The following FGFR2 variants were observed in gnomAD, a reference collection of about 807,000 sequenced individuals.
FGFR2 encodes the protein BEK fibroblast growth factor receptor.
A neutral mutation model predicts 95.9 loss-of-function variants in FGFR2; 19 were observed. The ratio of observed to expected loss-of-function variants is 0.20; its 90% CI spans 0.14 to 0.29. The LOEUF is 0.29. Ranked by LOEUF, FGFR2 falls within the 10% of genes least tolerant of loss-of-function variation. The probability of loss-of-function intolerance (pLI) is 1.00; values close to 1 mark genes in which losing one functional copy is unlikely to be tolerated. For synonymous variants in FGFR2, 392 were observed against 393.3 expected (o/e 1.00, Z 0.04); for missense variants, 707 against 1,056.9 (o/e 0.67, Z 4.59).
chr10:121,573,383 T>C (rs531859553), intron 2 of FGFR2, among the ~76,000 whole-genome samples: 1 of 152,302 alleles, frequency 6.6e-6, no homozygotes, highest in Non-Finnish European at 1.5e-5. Flanking sequence ...TAGATCATCC[T>C]AGTTCCAAGG....
intron 5 of FGFR2, among the ~76,000 whole-genome samples, chr10:121,545,507 T>A (rs1212233323): frequency 6.6e-6 from 1 of 152,190 alleles, no homozygotes; most frequent in African/African-American, 2.4e-5. Context: ...AGGCACCTGG[T>A]AAGTCACGAC....
chr10:121,564,934 G>A (rs926780393), intron 3 of FGFR2, among the ~76,000 whole-genome samples: 1 of 152,178 alleles, frequency 6.6e-6, no homozygotes, highest in South Asian at 2.1e-4. Context: ...TTCAGTATGC[G>A]GGGTCTCCTT....
chr10:121,498,028 G>T (rs1333885239), intron 12 of FGFR2, among the ~76,000 whole-genome samples: 2 of 152,158 alleles, frequency 1.3e-5, no homozygotes, highest in African/African-American at 4.8e-5. Flanking sequence ...GGAAAATAAC[G>T]TATTCCTTCA....
intron 2 of FGFR2, among the ~76,000 whole-genome samples, chr10:121,590,961 A>G (rs2135454405): frequency 6.6e-6 from 1 of 152,312 alleles, no homozygotes; most frequent in Non-Finnish European, 1.5e-5. Flanking sequence ...ACAGGGGCAC[A>G]GGCACGCACG....
rs151007930 is a variant in FGFR2, at chr10:121,518,985, G to C, written c.939+994C>G. ...GATTTTAAAGAACAAAATCAGTCCA[G>C]TGGTGGACAACGGAAAGACCTGGTG... On this transcript the variant is annotated intron_variant, in intron 7 of 17. Coordinates refer to ENST00000358487, the MANE Select transcript of FGFR2 (RefSeq NM_000141.5). The surrounding 1 kb of genome is among the most constrained non-coding windows in gnomAD (Gnocchi z 4.0). Among the ~76,000 whole-genome samples the C allele has an allele frequency of 2.0e-5, 3 of 152,354 alleles. No homozygotes were observed. The highest frequency in any genetic ancestry group is 7.2e-5 in the African/African-American group (3 of 41,580).
At chr10:121,496,456 T>G (rs945659203) in intron 13 of FGFR2, 76 bp downstream of exon 13, 1 of 1,366,118 alleles carries the variant, frequency 7.3e-7, no homozygotes, top group Admixed American at 1.7e-5. Context: ...CAAATGAGCA[T>G]GTCCAAATTG....
Position 121,517,726 on chromosome 10 carries a change from G to T in FGFR2, c.940-263C>A, listed in dbSNP as rs1849883550. 6.6e-6 allele frequency among the ~76,000 whole-genome samples: 1 copy of T among 152,004 alleles called. No individual in the cohort carries two copies. The highest frequency in any genetic ancestry group is 2.4e-5 in the African/African-American group (1 of 41,366). ...CGCATGGAAAAAATCAACCCACAGAGGTCCGTTCTCTTGGCCTGTGCTTTG... is the reference window on the plus strand; with the variant it reads ...CGCATGGAAAAAATCAACCCACAGATGTCCGTTCTCTTGGCCTGTGCTTTG... On this transcript the variant is annotated intron_variant, in intron 7 of 17. Coordinates refer to ENST00000358487, the MANE Select transcript of FGFR2 (RefSeq NM_000141.5). This position sits in a 1 kb window ranked among gnomAD's most constrained non-coding sequence, Gnocchi z 4.7.
Position 121,479,195 on chromosome 10 carries a change from CA to C in FGFR2, c.*661del, listed in dbSNP as rs533680275. On this transcript the variant is annotated 3_prime_UTR_variant, in exon 18 of 18. Coordinates refer to ENST00000358487, the MANE Select transcript of FGFR2 (RefSeq NM_000141.5). Reference sequence around the variant, plus strand: ...CTGCATAGAAATGCCACTTAAATTACAAAAAAAACTATAAATGATTAATTGT... The same window carrying C: ...CTGCATAGAAATGCCACTTAAATTACAAAAAAACTATAAATGATTAATTGT... 11 of 232,032 alleles carry C rather than the reference CA, an allele frequency of 4.7e-5. No homozygotes were observed. Among genetic ancestry groups the C allele is most frequent in the South Asian group, 1.8e-4 (1 of 5,494 alleles). The allele number at this position is 232,032 out of a possible 1,614,324, so 14.4% of individuals were successfully genotyped here.
chr10:121,501,893 G>A (rs896864855), intron 10 of FGFR2, among the ~76,000 whole-genome samples: 3 of 152,124 alleles, frequency 2.0e-5, no homozygotes, highest in Non-Finnish European at 2.9e-5. Flanking sequence ...ATGTCCCACC[G>A]CCTTGCTACT....
At chr10:121,580,877 AGC>A (rs1401091480) in intron 2 of FGFR2, among the ~76,000 whole-genome samples, 1 of 152,038 alleles carries the variant, frequency 6.6e-6, no homozygotes, top group African/African-American at 2.4e-5. Context: ...CCTCCAAAGC[AGC>A]ATTCAGAGGG....
intron 9 of FGFR2, among the ~76,000 whole-genome samples, chr10:121,510,747 T>C (rs372750169): frequency 2.4e-4 from 36 of 151,448 alleles, no homozygotes; most frequent in East Asian, 1.5e-3. Context: ...CTCAAAAGTA[T>C]TGCTACAAAA....
At chr10:121,539,011 T>A (rs1053753494) in intron 5 of FGFR2, among the ~76,000 whole-genome samples, 5 of 152,354 alleles carry the variant, frequency 3.3e-5, no homozygotes, top group African/African-American at 1.2e-4. Context: ...AGAGGCCAAC[T>A]GGCCAGGGAG....
chr10:121,522,861 G>A (rs1482123754), intron 6 of FGFR2, among the ~76,000 whole-genome samples: 2 of 152,198 alleles, frequency 1.3e-5, no homozygotes, highest in East Asian at 3.9e-4. Flanking sequence ...AAACAACTGA[G>A]GGAAATGAGG....
Position 121,485,243 on chromosome 10 carries a change from C to T in FGFR2, c.2195+152G>A. 1.0e-6 allele frequency: 1 copy of T among 1,004,094 alleles called. No individual in the cohort carries two copies. Among genetic ancestry groups the T allele is most frequent in the Non-Finnish European group, 1.6e-6 (1 of 637,850 alleles). The allele number at this position is 1,004,094 out of a possible 1,614,324, so 62.2% of individuals were successfully genotyped here. A position where few individuals can be genotyped will look rare whatever the true frequency, so the allele number is the denominator to read the frequency against. ...AATGGTTGTCGGTGTCGCTATGTAT[C>T]CCAGCTCTGGATTGAGCCCAGAGAG... On this transcript the variant is annotated intron_variant, in intron 16 of 17. Transcript: ENST00000358487. The surrounding 1 kb of genome is among the most constrained non-coding windows in gnomAD (Gnocchi z 4.2).
chr10:121,588,053 T>C (rs1862095876), intron 2 of FGFR2, among the ~76,000 whole-genome samples: 1 of 152,194 alleles, frequency 6.6e-6, no homozygotes, highest in Non-Finnish European at 1.5e-5. Context: ...CATAGAATAC[T>C]ATGCAGCCAT....
At chr10:121,529,938 T>C (rs1326244148) in intron 6 of FGFR2, among the ~76,000 whole-genome samples, 3 of 152,174 alleles carry the variant, frequency 2.0e-5, no homozygotes, top group Admixed American at 1.3e-4. Flanking sequence ...CTGCTCTATT[T>C]TCTCCCTCCA....
Position 121,593,952 on chromosome 10 carries a change from G to A in FGFR2, c.-135C>T, listed in dbSNP as rs554557891. 9.5e-5 allele frequency: 74 copies of A among 782,184 alleles called. 1 individual carries two copies. The African/African-American group carries it at 1.0e-3, about 11-fold the overall frequency. The allele number at this position is 782,184 out of a possible 1,614,324, so 48.5% of individuals were successfully genotyped here. A position where few individuals can be genotyped will look rare whatever the true frequency, so the allele number is the denominator to read the frequency against. On this transcript the variant is annotated 5_prime_UTR_variant, in exon 2 of 18. Transcript: ENST00000358487. ...TGGGCTCAGGAACCGAGGCGCTGCC[G>A]CTGCTGCTGCAGTCACTAAAGGAAA...
At chr10:121,537,494 C>T (rs749733774) in intron 6 of FGFR2, among the ~76,000 whole-genome samples, 1 of 152,006 alleles carries the variant, frequency 6.6e-6, no homozygotes, top group Non-Finnish European at 1.5e-5. Context: ...CAATATGTAA[C>T]GGGGTCTCCC....
In FGFR2 at chr10:121,515,417, G is replaced by A. The variant is rs1182048746; in HGVS notation, c.1085-98C>T. On this transcript the variant is annotated intron_variant, in intron 8 of 17. Transcript: ENST00000358487. ...AGCACAACCAAAGGAACCAAAAGGC[G>A]ACGACCATTCTCAAGGCAAGGTGGG... is the stretch of plus-strand genomic sequence containing the variant. 1.0e-5 allele frequency: 13 copies of A among 1,248,386 alleles called. No homozygotes were observed. The South Asian group carries it at 1.3e-4, about 13-fold the overall frequency. The allele number at this position is 1,248,386 out of a possible 1,614,324, so 77.3% of individuals were successfully genotyped here. A position where few individuals can be genotyped will look rare whatever the true frequency, so the allele number is the denominator to read the frequency against.
Sources: allele counts gnomAD v4.1 joint callset (sites outside exome capture counted in the v4.1 genomes callset), GRCh38; gene constraint gnomAD v4.1.1; non-coding constraint Gnocchi (gnomAD v3.1); transcripts MANE v1.5; gene names NCBI Gene and HGNC (gene_info 2026-07-23, HGNC 2026-07-21).